Variants in RRAS2 observed in about 807,000 individuals in gnomAD.
RRAS2 encodes RAS related 2, also known as ras-related protein R-Ras2.
A neutral mutation model predicts 27.6 loss-of-function variants in RRAS2; 7 were observed. The ratio of observed to expected loss-of-function variants is 0.25; its 90% CI spans 0.14 to 0.48. RRAS2 has a LOEUF of 0.48. Ranked by LOEUF, RRAS2 falls within the 20% of genes least tolerant of loss-of-function variation. The probability of loss-of-function intolerance (pLI) is 0.99; values close to 1 mark genes in which losing one functional copy is unlikely to be tolerated. For synonymous variants in RRAS2, 86 were observed against 90.9 expected (o/e 0.95, Z 0.31); for missense variants, 178 against 256.2 (o/e 0.69, Z 2.08).
At position 14,339,296 on chromosome 11, in the gene RRAS2, G is replaced by C. The variant is rs1433262105; in HGVS notation, c.108+19467C>G. On this transcript the variant is annotated intron_variant, in intron 1 of 5. Coordinates refer to ENST00000256196, the MANE Select transcript of RRAS2 (RefSeq NM_012250.6). ...CTCTACCAAAAAAAAAAAAAAAAGG[G>C]GGGGGGGGGAAGAAAAAATCTATAA... Among the ~76,000 whole-genome samples, 36 of 112,126 alleles carry C rather than the reference G, an allele frequency of 3.2e-4. No individual in the cohort carries two copies. In the East Asian group the frequency reaches 6.7e-3, roughly 21 times the overall value. 73.6% of individuals were successfully genotyped at this position (112,126 alleles called of 152,430 possible). A position where few individuals can be genotyped will look rare whatever the true frequency, so the allele number is the denominator to read the frequency against.
At chr11:14,341,300 G>T (rs1023885280) in intron 1 of RRAS2, among the ~76,000 whole-genome samples, 4 of 152,116 alleles carry the variant, frequency 2.6e-5, no homozygotes, top group Non-Finnish European at 4.4e-5. Context: ...CATTATGTGG[G>T]CATTTGTTTT....
intron 1 of RRAS2, among the ~76,000 whole-genome samples, chr11:14,296,805 C>T (rs529770764): frequency 3.3e-5 from 5 of 152,114 alleles, no homozygotes; most frequent in African/African-American, 4.8e-5. Context: ...CTCCCAACTA[C>T]CGAAGTCATT....
chr11:14,357,385 T>A (rs550428285), intron 1 of RRAS2, among the ~76,000 whole-genome samples: 1 of 151,940 alleles, frequency 6.6e-6, no homozygotes, highest in East Asian at 1.9e-4. Flanking sequence ...GTACAATCTC[T>A]CTGCGCCCTA....
intron 1 of RRAS2, among the ~76,000 whole-genome samples, chr11:14,364,219 A>G (rs1564989481): frequency 6.6e-6 from 1 of 152,230 alleles, no homozygotes; most frequent in Non-Finnish European, 1.5e-5. Flanking sequence ...ACAAACCAAT[A>G]TTGACCAAAC....
chr11:14,319,284 G>A (rs1848174967), intron 1 of RRAS2, among the ~76,000 whole-genome samples: 1 of 150,370 alleles, frequency 6.7e-6, no homozygotes, highest in Non-Finnish European at 1.5e-5. Context: ...CTTTTCCCAA[G>A]GTATGTGAGT....
intron 4 of RRAS2, among the ~76,000 whole-genome samples, chr11:14,292,196 C>T (rs1268689985): frequency 6.6e-6 from 1 of 152,030 alleles, no homozygotes; most frequent in African/African-American, 2.4e-5. Flanking sequence ...CATATAGACC[C>T]AAGCTGATAA....
At chr11:14,333,170 G>A (rs569651593) in intron 1 of RRAS2, among the ~76,000 whole-genome samples, 7 of 151,914 alleles carry the variant, frequency 4.6e-5, no homozygotes, top group East Asian at 1.9e-4. Flanking sequence ...AAGCTACACC[G>A]ATCTGCTTTA....
Position 14,358,122 on chromosome 11 carries a change from C to T in RRAS2, c.108+641G>A. On this transcript the variant is annotated intron_variant, in intron 1 of 5. Transcript: ENST00000256196. This position sits in a 1 kb window ranked among gnomAD's most constrained non-coding sequence, Gnocchi z 5.1. ...GGAATTCCTAGGAAATGGTCTCACC[C>T]CATCAGAGAACATTTTTAACTTCCT... The T allele has an allele frequency of 1.5e-6, 1 of 674,408 alleles. No individual in the cohort carries two copies. Among genetic ancestry groups the T allele is most frequent in the Non-Finnish European group, 1.8e-6 (1 of 545,838 alleles). 41.8% of individuals were successfully genotyped at this position (674,408 alleles called of 1,614,324 possible). A position where few individuals can be genotyped will look rare whatever the true frequency, so the allele number is the denominator to read the frequency against.
At chr11:14,298,382 C>G (rs1199628721) in intron 1 of RRAS2, among the ~76,000 whole-genome samples, 2 of 152,074 alleles carry the variant, frequency 1.3e-5, no homozygotes, top group South Asian at 4.1e-4. Context: ...CAGTTCTTGG[C>G]GTTGTGAGAT....
At chr11:14,284,289 G>A (rs1332668935) in intron 4 of RRAS2, among the ~76,000 whole-genome samples, 3 of 151,940 alleles carry the variant, frequency 2.0e-5, no homozygotes, top group Admixed American at 6.6e-5. Context: ...TTGACCCAAG[G>A]GTTAGTTGGA....
In RRAS2 at chr11:14,358,740, C is replaced by T. The variant is rs782572326; in HGVS notation, c.108+23G>A. 3 of 1,306,590 alleles carry T rather than the reference C, an allele frequency of 2.3e-6. No individual in the cohort carries two copies. In the South Asian group the frequency reaches 6.1e-5, roughly 27 times the overall value. 80.9% of individuals were successfully genotyped at this position (1,306,590 alleles called of 1,614,324 possible). ...CCCCGCCCGCCGCCGCTCCGGCGCC[C>T]CGGGCAGGCCCGCTCCAGGTACCTG... On this transcript the variant is annotated intron_variant, in intron 1 of 5. Coordinates refer to ENST00000256196, the MANE Select transcript of RRAS2 (RefSeq NM_012250.6). This position sits in a 1 kb window ranked among gnomAD's most constrained non-coding sequence, Gnocchi z 5.1.
At chr11:14,362,911 G>A (rs1306429020), upstream of RRAS2, among the ~76,000 whole-genome samples, 1 of 152,178 alleles carries the variant, frequency 6.6e-6, no homozygotes, top group Non-Finnish European at 1.5e-5. Context: ...CTTAAATCAA[G>A]CTTTTGTTTG....
At chr11:14,282,790 T>C (rs1430146055) in intron 4 of RRAS2, among the ~76,000 whole-genome samples, 3 of 152,226 alleles carry the variant, frequency 2.0e-5, no homozygotes, top group African/African-American at 7.2e-5. Context: ...TCTCATACTC[T>C]GGAAGCATTC....
In RRAS2 at chr11:14,278,675, T is replaced by C. The variant is rs1278905042; in HGVS notation, c.*662A>G. 2.0e-5 allele frequency: 3 copies of C among 152,378 alleles called. No individual in the cohort carries two copies. The highest frequency in any genetic ancestry group is 7.2e-5 in the African/African-American group (3 of 41,584). The allele number at this position is 152,378 out of a possible 1,614,324, so 9.4% of individuals were successfully genotyped here. Reference sequence around the variant, plus strand: ...AAAAAATCAAGTACACTGAAATATCTAAGTCCTAAATGAGTCCAAATATTT... The same window carrying C: ...AAAAAATCAAGTACACTGAAATATCCAAGTCCTAAATGAGTCCAAATATTT... On this transcript the variant is annotated 3_prime_UTR_variant, in exon 6 of 6. Coordinates refer to ENST00000256196, the MANE Select transcript of RRAS2 (RefSeq NM_012250.6).
intron 2 of RRAS2, 35 bp downstream of exon 2, chr11:14,295,733 A>T: frequency 1.3e-6 from 2 of 1,505,074 alleles, no homozygotes; most frequent in East Asian, 4.5e-5. Flanking sequence ...AAAAAATATG[A>T]TATGCAAATT....
At chr11:14,333,538 C>G (rs1370695814) in intron 1 of RRAS2, among the ~76,000 whole-genome samples, 3 of 152,182 alleles carry the variant, frequency 2.0e-5, no homozygotes, top group Non-Finnish European at 4.4e-5. Flanking sequence ...GATGCCCACT[C>G]TTAGCTTGTG....
At chr11:14,300,142 G>C (rs1278522033) in intron 1 of RRAS2, among the ~76,000 whole-genome samples, 1 of 152,176 alleles carries the variant, frequency 6.6e-6, no homozygotes, top group Non-Finnish European at 1.5e-5. Flanking sequence ...AGTACACTGA[G>C]GGGAAAGGAA....
At chr11:14,362,017 A>C (rs567593253), upstream of RRAS2, among the ~76,000 whole-genome samples, 4 of 152,358 alleles carry the variant, frequency 2.6e-5, no homozygotes, top group East Asian at 5.8e-4. Context: ...AATTCCATTT[A>C]TATAAAAGGT....
At chr11:14,317,312 G>A (rs1554949669) in intron 1 of RRAS2, among the ~76,000 whole-genome samples, 1 of 152,242 alleles carries the variant, frequency 6.6e-6, no homozygotes, top group East Asian at 1.9e-4. Flanking sequence ...GGGCATGGTG[G>A]CTCACACCTG....
Sources: gnomAD v4.1 joint callset for allele counts (sites outside exome capture counted in the v4.1 genomes callset) on GRCh38, gnomAD v4.1.1 for gene constraint, Gnocchi (gnomAD v3.1) non-coding constraint, MANE v1.5 for transcripts, NCBI Gene and HGNC (gene_info 2026-07-23, HGNC 2026-07-21) for gene names.